Variants in SMIM7 observed in about 807,000 individuals in gnomAD.
SMIM7 encodes small integral membrane protein 7.
In SMIM7, 12 loss-of-function variants were observed where a neutral mutation model predicts 13.3. The ratio of observed to expected loss-of-function variants is 0.90; its 90% CI spans 0.58 to 1.46. The LOEUF is 1.46. Ranked by LOEUF, SMIM7 falls within the 40% of genes most tolerant of loss-of-function variation. The probability of loss-of-function intolerance (pLI) is 0.00; values close to 1 mark genes in which losing one functional copy is unlikely to be tolerated. For synonymous variants in SMIM7, 36 were observed against 35.8 expected, an observed-to-expected ratio of 1.01 and a Z score of -0.02; for missense variants, 114 against 94.8, an observed-to-expected ratio of 1.20 and a Z score of -0.84.
intron 3 of SMIM7, 91 bp downstream of exon 3, chr19:16,659,304 A>AT: frequency 1.0e-6 from 1 of 1,003,610 alleles, no homozygotes; most frequent in Non-Finnish European, 1.5e-6. Context: ...AAAAAAAAAA[A>AT]GAGAAAGAAA....
At chr19:16,652,573 T>C (rs2086541574) in intron 4 of SMIM7, 4 of 1,159,966 alleles carry the variant, frequency 3.4e-6, no homozygotes, top group South Asian at 2.4e-5. Context: ...GTCTCATACA[T>C]GCTCTCAGAT....
At chr19:16,635,387 C>T (rs1041187940) in intron 4 of SMIM7, 4 of 150,856 alleles carry the variant, frequency 2.7e-5, no homozygotes, top group Admixed American at 2.7e-4. Context: ...AAAAGTCCAG[C>T]CCAGAGCTCA....
At chr19:16,651,628 G>A (rs1201294501) in intron 4 of SMIM7, among the ~76,000 whole-genome samples, 3 of 152,216 alleles carry the variant, frequency 2.0e-5, no homozygotes, top group Non-Finnish European at 4.4e-5. Context: ...GATGAAGCAG[G>A]TGCACAGGAA....
At chr19:16,652,127 A>C (rs976838741) in intron 4 of SMIM7, among the ~76,000 whole-genome samples, 1 of 152,246 alleles carries the variant, frequency 6.6e-6, no homozygotes, top group Non-Finnish European at 1.5e-5. Context: ...ACCTTTGCAC[A>C]TGCCACTTCC....
chr19:16,655,204 G>C (rs1162849825), intron 3 of SMIM7: 2 of 393,634 alleles, frequency 5.1e-6, no homozygotes, highest in Non-Finnish European at 1.0e-5. Flanking sequence ...ATTCAGGCAA[G>C]TGAAAGGGAA....
At chr19:16,638,269 AC>A (rs1716779407) in intron 4 of SMIM7, among the ~76,000 whole-genome samples, 1 of 149,448 alleles carries the variant, frequency 6.7e-6, no homozygotes, top group African/African-American at 2.5e-5. Context: ...TCTCAAAAGA[AC>A]CGTGAGGCAA....
At chr19:16,649,199 C>T (rs1327714379) in intron 4 of SMIM7, among the ~76,000 whole-genome samples, 5 of 151,712 alleles carry the variant, frequency 3.3e-5, no homozygotes, top group South Asian at 4.2e-4. Context: ...AAACACAGGT[C>T]GGCTTTAATC....
rs565221534 is a variant in SMIM7, at chr19:16,656,719, C to T, written c.122-2594G>A. On this transcript the variant is annotated intron_variant, in intron 3 of 4. Coordinates refer to ENST00000487416, the MANE Select transcript of SMIM7 (RefSeq NM_024104.4). Reference sequence around the variant, plus strand: ...TTCGAGACCAGCCTGGCCAACATGGCGAAACCCCATCTCTACTAAAAATAC... The same window carrying T: ...TTCGAGACCAGCCTGGCCAACATGGTGAAACCCCATCTCTACTAAAAATAC... Among the ~76,000 whole-genome samples, 19 of 151,830 alleles carry T rather than the reference C, an allele frequency of 1.3e-4. No individual in the cohort carries two copies. The South Asian group carries it at 1.7e-3, about 13-fold the overall frequency.
chr19:16,656,211 C>A (rs930325497), intron 3 of SMIM7, among the ~76,000 whole-genome samples: 1 of 152,022 alleles, frequency 6.6e-6, no homozygotes, highest in Non-Finnish European at 1.5e-5. Context: ...CATCGTGAAA[C>A]CACGTTTCTA....
At chr19:16,652,392 G>C (rs775976764) in intron 4 of SMIM7, 4 of 257,820 alleles carry the variant, frequency 1.6e-5, no homozygotes, top group Non-Finnish European at 1.8e-5. Flanking sequence ...GGTAAAGACA[G>C]GGTTTCACCA....
At chr19:16,652,798 G>A (rs1040761314) in intron 4 of SMIM7, 1 of 1,529,144 alleles carries the variant, frequency 6.5e-7, no homozygotes, top group Non-Finnish European at 8.8e-7. Context: ...CTCTTTCTGG[G>A]GGAAGCATAC....
chr19:16,660,009 G>A lies in SMIM7; in HGVS notation c.27-9C>T, dbSNP rs200423511. ...CATTCATCAGCAACGTCCTGCAGAG[G>A]GAGAATTACAGTTACTAGGGGCGCC... On this transcript the variant is annotated splice_polypyrimidine_tract_variant and intron_variant, in intron 1 of 4. Transcript: ENST00000487416. The A allele has an allele frequency of 1.4e-5, 22 of 1,614,050 alleles. No individual in the cohort carries two copies. The Admixed American group carries it at 2.7e-4, about 20-fold the overall frequency.
chr19:16,647,459 CTCT>C (rs1189140060), intron 4 of SMIM7, among the ~76,000 whole-genome samples, 198 bp from the exon 5 acceptor site: 9 of 150,498 alleles, frequency 6.0e-5, no homozygotes, highest in African/African-American at 2.2e-4. Context: ...GAAGAATATA[CTCT>C]TTTTTTTTTT....
At chr19:16,653,889 C>T (rs756710345) in intron 4 of SMIM7, 146 bp downstream of exon 4, 1 of 685,382 alleles carries the variant, frequency 1.5e-6, no homozygotes, top group Non-Finnish European at 2.4e-6. Flanking sequence ...AGCAAGATTC[C>T]ATCTCAAACA....
At position 16,647,089 on chromosome 19, in the gene SMIM7, T is replaced by C. The variant is rs956129328; in HGVS notation, c.*157A>G. 14 of 874,482 alleles carry C rather than the reference T, an allele frequency of 1.6e-5. 2 individuals are homozygous for C. The highest frequency in any genetic ancestry group is 1.5e-5 in the South Asian group (1 of 65,616). The allele number at this position is 874,482 out of a possible 1,614,324, so 54.2% of individuals were successfully genotyped here. On this transcript the variant is annotated 3_prime_UTR_variant, in exon 5 of 5. Coordinates refer to ENST00000487416, the MANE Select transcript of SMIM7 (RefSeq NM_024104.4). ...AAACAGGGACGTGGCTGGGAAACCA[T>C]GCACACCTCGGCGAACACTTTTCCA...
chr19:16,640,421 C>A (rs2086396382), intron 4 of SMIM7: 1 of 152,190 alleles, frequency 6.6e-6, no homozygotes, highest in Admixed American at 6.6e-5. Context: ...AGGAAAACAT[C>A]AGGAGGCCTG....
chr19:16,647,022 G>T lies in SMIM7; in HGVS notation c.*224C>A. ...AAACGCTCCTGAAACCCTTTCAGTAGACAGCATTTCAATTCAGAGACCAAA... is the reference window on the plus strand; with the variant it reads ...AAACGCTCCTGAAACCCTTTCAGTATACAGCATTTCAATTCAGAGACCAAA... On this transcript the variant is annotated 3_prime_UTR_variant, in exon 5 of 5. Coordinates refer to ENST00000487416, the MANE Select transcript of SMIM7 (RefSeq NM_024104.4). 1.6e-6 allele frequency: 1 copy of T among 614,218 alleles called. No individual in the cohort carries two copies. The allele number at this position is 614,218 out of a possible 1,614,324, so 38.0% of individuals were successfully genotyped here.
At chr19:16,640,510 C>T (rs547534710) in intron 4 of SMIM7, 1 of 152,344 alleles carries the variant, frequency 6.6e-6, no homozygotes, top group South Asian at 2.1e-4. Context: ...TTGCTAATGA[C>T]AGCTTCGCTG....
At chr19:16,631,118 C>T (rs2086318658) in exon 5 of SMIM7, 1 of 152,164 alleles carries the variant, frequency 6.6e-6, no homozygotes, top group Admixed American at 6.5e-5. Context: ...GGTGCAGTGG[C>T]TCACATCTAT....
Sources: gnomAD v4.1 joint callset for allele counts (sites outside exome capture counted in the v4.1 genomes callset) on GRCh38, gnomAD v4.1.1 for gene constraint, MANE v1.5 for transcripts, NCBI Gene and HGNC (gene_info 2026-07-23, HGNC 2026-07-21) for gene names.